Variants in SH3PXD2A observed in about 807,000 individuals in gnomAD.
SH3PXD2A encodes the protein SH3 and PX domains 2A, also known as SH3 and PX domain-containing protein 2A.
SH3PXD2A carries 32 observed loss-of-function variants against 115.2 expected under a neutral mutation model. The ratio of observed to expected loss-of-function variants is 0.28; its 90% CI spans 0.21 to 0.37. The LOEUF is 0.37. SH3PXD2A is among the 10% of genes least tolerant of loss of function. The pLI, the probability that SH3PXD2A is intolerant of heterozygous loss-of-function variation, is 1.00. For missense variants in SH3PXD2A, 1,328 were observed against 1,498.7 expected, an observed-to-expected ratio of 0.89 and a Z score of 1.88; for synonymous variants, 610 against 629.1, an observed-to-expected ratio of 0.97 and a Z score of 0.45.
chr10:103,742,064 G>A (rs2038449674), intron 3 of SH3PXD2A, among the ~76,000 whole-genome samples: 1 of 152,194 alleles, frequency 6.6e-6, no homozygotes, highest in South Asian at 2.1e-4. Flanking sequence ...TAGGGGGATC[G>A]CTTGAGCCTG....
chr10:103,602,687 GA>G lies in SH3PXD2A; in HGVS notation c.2530del (p.Ser844ArgfsTer3). ...TKKEWEGPAT[S>X]YMTCSAYQKV... ...CTGGTAGGCGCTGCATGTCATGTAC[GA>G]GGTGGCTGGCCCTTCCCATTCCTTC... On this transcript the variant is annotated frameshift_variant, in exon 15 of 15. Coordinates refer to ENST00000369774, the MANE Select transcript of SH3PXD2A (RefSeq NM_001394015.1). LOFTEE classifies it high-confidence loss of function. 6.2e-7 allele frequency: 1 copy of G among 1,614,094 alleles called. No homozygotes were observed. The highest frequency in any genetic ancestry group is 8.5e-7 in the Non-Finnish European group (1 of 1,180,014).
chr10:103,814,912 AG>A (rs751260893), intron 1 of SH3PXD2A, among the ~76,000 whole-genome samples: 1 of 152,096 alleles, frequency 6.6e-6, no homozygotes, highest in Non-Finnish European at 1.5e-5. Context: ...TTAGATTGAC[AG>A]GGGAGGCCTC....
At position 103,784,890 on chromosome 10, in the gene SH3PXD2A, C is replaced by T. The variant is rs1373831079; in HGVS notation, c.153+16392G>A. 2.0e-5 allele frequency among the ~76,000 whole-genome samples: 3 copies of T among 152,144 alleles called. No individual in the cohort carries two copies. The highest frequency in any genetic ancestry group is 4.4e-5 in the Non-Finnish European group (3 of 68,024). On this transcript the variant is annotated intron_variant, in intron 2 of 14. Coordinates refer to ENST00000369774, the MANE Select transcript of SH3PXD2A (RefSeq NM_001394015.1). The surrounding 1 kb of genome is among the most constrained non-coding windows in gnomAD (Gnocchi z 4.4). ...CATGTGTGGCTTACACGCAGAGACA[C>T]CTGGGAGCGGCAGCCTACTAGGCGT...
In SH3PXD2A at chr10:103,601,549, C is replaced by A; in HGVS notation, c.*267G>T. 2.6e-6 allele frequency: 1 copy of A among 387,256 alleles called. No individual in the cohort carries two copies. Among genetic ancestry groups the A allele is most frequent in the Non-Finnish European group, 4.7e-6 (1 of 213,612 alleles). The allele number at this position is 387,256 out of a possible 1,614,324, so 24.0% of individuals were successfully genotyped here. A position where few individuals can be genotyped will look rare whatever the true frequency, so the allele number is the denominator to read the frequency against. On this transcript the variant is annotated 3_prime_UTR_variant, in exon 15 of 15. Coordinates refer to ENST00000369774, the MANE Select transcript of SH3PXD2A (RefSeq NM_001394015.1). ...GAAGTCCCTATGGTGCACAGGATAT[C>A]TCAGCTTTCTTGGCTCTGGGTCCCA...
intron 5 of SH3PXD2A, among the ~76,000 whole-genome samples, chr10:103,713,862 G>A (rs771544917): frequency 6.6e-5 from 10 of 152,190 alleles, no homozygotes; most frequent in Non-Finnish European, 1.2e-4. Flanking sequence ...GCCTCCTGTG[G>A]AAGCAAGCCA....
chr10:103,625,977 A>G (rs2036685505), intron 9 of SH3PXD2A, among the ~76,000 whole-genome samples: 1 of 152,254 alleles, frequency 6.6e-6, no homozygotes, highest in Admixed American at 6.5e-5. Flanking sequence ...CTCAGGGGCC[A>G]AGACTCTCCC....
At chr10:103,824,558 A>G (rs1164540713) in intron 1 of SH3PXD2A, among the ~76,000 whole-genome samples, 1 of 152,088 alleles carries the variant, frequency 6.6e-6, no homozygotes, top group Non-Finnish European at 1.5e-5. Flanking sequence ...GGCCACAGAG[A>G]ACATATCAAA....
In SH3PXD2A at chr10:103,720,011, T is replaced by C. The variant is rs184776990; in HGVS notation, c.398+4259A>G. ...CTGGGATTACAGGCGTGAGCCACCG[T>C]GCCCGGCCACACTAGGTAATTTCTT... is the stretch of plus-strand genomic sequence containing the variant. On this transcript the variant is annotated intron_variant, in intron 5 of 14. Transcript: ENST00000369774. 4.6e-4 allele frequency among the ~76,000 whole-genome samples: 70 copies of C among 152,350 alleles called. No homozygotes were observed. In the East Asian group the frequency reaches 0.012, roughly 26 times the overall value.
At chr10:103,725,008 T>C (rs2038223353) in intron 4 of SH3PXD2A, among the ~76,000 whole-genome samples, 1 of 152,138 alleles carries the variant, frequency 6.6e-6, no homozygotes. Flanking sequence ...GACCACAAAA[T>C]TAATTATTTC....
At chr10:103,631,786 G>A (rs1489750502) in intron 8 of SH3PXD2A, among the ~76,000 whole-genome samples, 1 of 152,180 alleles carries the variant, frequency 6.6e-6, no homozygotes, top group Non-Finnish European at 1.5e-5. Context: ...GCTCTTGAAA[G>A]CTGAGGCTCT....
At chr10:103,639,608 TAA>T (rs67918508) in intron 8 of SH3PXD2A, among the ~76,000 whole-genome samples, 1,387 of 85,784 alleles carry the variant, frequency 0.016, 35 homozygotes, top group Admixed American at 0.083. Flanking sequence ...GACTCCGTCT[TAA>T]AAAAAAAAAA....
At chr10:103,811,843 C>A (rs1182292216) in intron 1 of SH3PXD2A, among the ~76,000 whole-genome samples, 1 of 152,168 alleles carries the variant, frequency 6.6e-6, no homozygotes, top group Non-Finnish European at 1.5e-5. Context: ...AGCCTCCATA[C>A]CCCATAAAAT....
chr10:103,703,548 C>T (rs1422388218), intron 5 of SH3PXD2A, among the ~76,000 whole-genome samples: 1 of 152,172 alleles, frequency 6.6e-6, no homozygotes, highest in Non-Finnish European at 1.5e-5. Context: ...TTTTGACCCC[C>T]AATAGCACTG....
intron 1 of SH3PXD2A, among the ~76,000 whole-genome samples, chr10:103,841,785 A>G (rs1564902194): frequency 6.6e-6 from 1 of 152,102 alleles, no homozygotes; most frequent in Non-Finnish European, 1.5e-5. Flanking sequence ...AGTCTTACTC[A>G]AAAGCCACCT....
rs373192623 is a variant in SH3PXD2A, at chr10:103,758,981, G to C, written c.229+8113C>G. On this transcript the variant is annotated intron_variant, in intron 3 of 14. Transcript: ENST00000369774. ...TCTCTGAGCCACAACCTCCCTCATAGCATCCAGGGCCCTTCAGGAAGGGCT... is the reference window on the plus strand; with the variant it reads ...TCTCTGAGCCACAACCTCCCTCATACCATCCAGGGCCCTTCAGGAAGGGCT... Among the ~76,000 whole-genome samples the C allele has an allele frequency of 1.3e-4, 20 of 152,312 alleles. No homozygotes were observed. In the East Asian group the frequency reaches 2.7e-3, roughly 21 times the overall value.
chr10:103,636,411 GAA>G (rs555359998), intron 8 of SH3PXD2A, among the ~76,000 whole-genome samples: 38 of 91,172 alleles, frequency 4.2e-4, no homozygotes, highest in African/African-American at 9.9e-4. Flanking sequence ...TCCATCTTAA[GAA>G]AAAAAAAAAA....
At chr10:103,634,431 G>A (rs2036835039) in intron 8 of SH3PXD2A, among the ~76,000 whole-genome samples, 1 of 152,198 alleles carries the variant, frequency 6.6e-6, no homozygotes, top group Non-Finnish European at 1.5e-5. Context: ...CACACTTCGA[G>A]GATCTTGAGA....
At chr10:103,605,647 A>G (rs762260346) in intron 14 of SH3PXD2A, 151 bp downstream of exon 14, 37 of 921,926 alleles carry the variant, frequency 4.0e-5, no homozygotes, top group Non-Finnish European at 6.0e-5. Flanking sequence ...GGCCAGCGCC[A>G]GGCAGATGCT....
chr10:103,622,534 G>T lies in SH3PXD2A; in HGVS notation c.738C>A (p.Ala246=). ...ACCGGCGATCCAGGCGCCGCAGATG[G>T]GCCTTGCGTCTCTTGGACACTGGTG... is the stretch of plus-strand genomic sequence containing the variant. ...KTGEVSKRRK[A]HLRRLDRRWT... is the part of the protein sequence containing the mutation. Residue 246 remains alanine, a synonymous_variant, in exon 10 of 15, where the codon GCC becomes GCA. Transcript: ENST00000369774. The T allele has an allele frequency of 6.5e-7, 1 of 1,550,278 alleles. No homozygotes were observed. The highest frequency in any genetic ancestry group is 1.2e-5 in the South Asian group (1 of 84,050).
Sources: gnomAD v4.1 joint callset for allele counts (sites outside exome capture counted in the v4.1 genomes callset) on GRCh38, gnomAD v4.1.1 for gene constraint, Gnocchi (gnomAD v3.1) non-coding constraint, MANE v1.5 for transcripts, NCBI Gene and HGNC (gene_info 2026-07-23, HGNC 2026-07-21) for gene names.